PROM1: variants seen among roughly 807,000 people sequenced by gnomAD.
PROM1 encodes the protein prominin 1, also known as prominin-1.
Under a neutral mutation model 116.9 loss-of-function variants are expected in PROM1, and 105 were observed. The observed-to-expected ratio is 0.90, with a 90% CI of 0.77 to 1.06. The LOEUF (loss-of-function observed/expected upper bound fraction) is 1.06, where lower values mean the gene tolerates loss of function less well. Ranked by LOEUF, PROM1 falls within the 50% of genes least tolerant of loss-of-function variation. PROM1 has a pLI of 0.00. For missense variants in PROM1, 1,122 were observed against 1,045.2 expected (o/e 1.07, Z -1.01); for synonymous variants, 393 against 387.0 (o/e 1.02, Z -0.18).
intron 5 of PROM1, 51 bp from the exon 6 acceptor site, chr4:16,025,363 T>C (rs1730987558): frequency 3.7e-6 from 6 of 1,603,688 alleles, no homozygotes; most frequent in Non-Finnish European, 5.1e-6. Flanking sequence ...TGGTCCATGG[T>C]TCTTTGTCCA....
intron 2 of PROM1, among the ~76,000 whole-genome samples, chr4:16,066,913 G>A (rs28550447): frequency 2.6e-5 from 4 of 152,240 alleles, no homozygotes; most frequent in East Asian, 1.9e-4. Flanking sequence ...AGCCCGCCTC[G>A]ATTATTTATG....
In PROM1 at chr4:16,013,164, C is replaced by T. The variant is rs545507589; in HGVS notation, c.1141+111G>A. 8.1e-6 allele frequency: 7 copies of T among 859,092 alleles called. No homozygotes were observed. The Admixed American group carries it at 1.3e-4, about 16-fold the overall frequency. 53.2% of individuals were successfully genotyped at this position (859,092 alleles called of 1,614,324 possible). ...TCTGATATTTGTTTAGTTTTGACAG[C>T]TTTAATGAGAAACTGTTTTTTTAAG... On this transcript the variant is annotated intron_variant, in intron 11 of 27. Coordinates refer to ENST00000447510, the MANE Select transcript of PROM1 (RefSeq NM_006017.3).
chr4:16,046,077 G>A (rs1736483753), intron 2 of PROM1, among the ~76,000 whole-genome samples: 1 of 152,182 alleles, frequency 6.6e-6, no homozygotes, highest in African/African-American at 2.4e-5. Context: ...TAGGGGTCAA[G>A]GCTAAGTTGG....
In PROM1 at chr4:16,025,219, C is replaced by T. The variant is rs776601619; in HGVS notation, c.603G>A (p.Leu201=). The T allele has an allele frequency of 6.2e-7, 1 of 1,613,822 alleles. No individual in the cohort carries two copies. Among genetic ancestry groups the T allele is most frequent in the African/African-American group, 1.3e-5 (1 of 74,936 alleles). ...RKLADSNFKD[L]RTLLNETPEQ... ...CTGGAGTTTCATTCAAGAGAGTTCG[C>T]AAGTCCTTGAAATTGCTATCTGCCA... The change falls in exon 6 of 28, where the codon TTG becomes TTA. Residue 201 remains leucine (L), a synonymous_variant. Coordinates refer to ENST00000447510, the MANE Select transcript of PROM1 (RefSeq NM_006017.3).
At chr4:15,982,642 G>A (rs1402573347) in intron 23 of PROM1, among the ~76,000 whole-genome samples, 1 of 152,144 alleles carries the variant, frequency 6.6e-6, no homozygotes, top group Admixed American at 6.5e-5. Flanking sequence ...CTGTGGAAAG[G>A]CATCTGGTGG....
Position 16,075,773 on chromosome 4 carries a change from T to A in PROM1, c.134A>T (p.Asp45Val). 6.2e-7 allele frequency: 1 copy of A among 1,613,464 alleles called. No individual in the cohort carries two copies. Among genetic ancestry groups the A allele is most frequent in the South Asian group, 1.1e-5 (1 of 90,990 alleles). ...GCCAATGGGTCCAGCTTTATGGGAG[T>A]CTTGGGTCTCATAATTTGTTGCAGG... ...ELPATNYETQ[D>V]SHKAGPIGIL... is the part of the protein sequence containing the mutation. Residue 45 changes from aspartate (D) to valine (V), a missense_variant, in exon 2 of 28, where the codon GAC becomes GTC. By Grantham distance (152) the Asp-to-Val change is radical (BLOSUM62 -3). Transcript: ENST00000447510.
intron 23 of PROM1, among the ~76,000 whole-genome samples, chr4:15,983,949 T>C (rs1718617246): frequency 6.6e-6 from 1 of 152,222 alleles, no homozygotes; most frequent in South Asian, 2.1e-4. Context: ...TAAATGTAGT[T>C]GTACTGAGTA....
intron 2 of PROM1, among the ~76,000 whole-genome samples, chr4:16,047,315 C>T (rs1736777781): frequency 6.6e-6 from 1 of 152,136 alleles, no homozygotes; most frequent in South Asian, 2.1e-4. Flanking sequence ...AGGGATTCTC[C>T]TGCCTCAGCC....
chr4:16,069,135 T>G lies in PROM1; in HGVS notation c.220+6552A>C, dbSNP rs150232977. On this transcript the variant is annotated intron_variant, in intron 2 of 27. Transcript: ENST00000447510. ...CTGTTATCCCAGCTACGCGGGAGGC[T>G]GAGGCAGGAGAATCACTTGAACCCG... Among the ~76,000 whole-genome samples the G allele has an allele frequency of 6.2e-4, 95 of 152,268 alleles. No individual in the cohort carries two copies. The East Asian group carries it at 0.016, about 25-fold the overall frequency.
intron 26 of PROM1, 119 bp downstream of exon 26, chr4:15,979,276 T>TA (rs1717095592): frequency 6.7e-7 from 1 of 1,484,564 alleles, no homozygotes; most frequent in Non-Finnish European, 9.1e-7. Flanking sequence ...CTAGCATTGA[T>TA]AAAGTATCAT....
chr4:16,074,321 G>T (rs1012783319), intron 2 of PROM1, among the ~76,000 whole-genome samples: 7 of 152,052 alleles, frequency 4.6e-5, no homozygotes, highest in Non-Finnish European at 8.8e-5. Flanking sequence ...AATATCTCTT[G>T]TACCCCGTGA....
At chr4:16,057,307 T>C (rs998421668) in intron 2 of PROM1, among the ~76,000 whole-genome samples, 1 of 152,210 alleles carries the variant, frequency 6.6e-6, no homozygotes, top group Non-Finnish European at 1.5e-5. Context: ...TAAAAACGTA[T>C]ACAACCTCCT....
intron 23 of PROM1, 98 bp from the exon 24 acceptor site, chr4:15,980,635 T>C: frequency 1.3e-6 from 1 of 774,266 alleles, no homozygotes; most frequent in Non-Finnish European, 2.0e-6. Context: ...TTTTTTGGAA[T>C]TTTTAAAAAT....
chr4:16,077,501 G>A (rs1042322742), intron 1 of PROM1, among the ~76,000 whole-genome samples: 3 of 152,102 alleles, frequency 2.0e-5, no homozygotes, highest in Admixed American at 1.3e-4. Context: ...TCCTCCGTAC[G>A]CTGAACGCTG....
intron 16 of PROM1, among the ~76,000 whole-genome samples, 170 bp downstream of exon 16, chr4:15,993,817 G>C (rs911037859): frequency 3.9e-5 from 6 of 152,184 alleles, no homozygotes; most frequent in Non-Finnish European, 8.8e-5. Context: ...AAACGTTTTG[G>C]AACCAAATAG....
intron 8 of PROM1, among the ~76,000 whole-genome samples, chr4:16,022,916 A>G (rs1016125225): frequency 6.6e-6 from 1 of 152,138 alleles, no homozygotes; most frequent in Admixed American, 6.5e-5. Context: ...AGGGTCAACA[A>G]ATTTTTCTAT....
At chr4:16,051,464 T>C (rs1348984096) in intron 2 of PROM1, among the ~76,000 whole-genome samples, 1 of 152,230 alleles carries the variant, frequency 6.6e-6, no homozygotes, top group Non-Finnish European at 1.5e-5. Flanking sequence ...CTGTGAACTC[T>C]CTAACCACTC....
In PROM1 at chr4:15,979,485, C is replaced by T. The variant is rs909024565; in HGVS notation, c.2514-22G>A. 3 of 1,589,674 alleles carry T rather than the reference C, an allele frequency of 1.9e-6. No homozygotes were observed. In the African/African-American group the frequency reaches 4.0e-5, roughly 21 times the overall value. On this transcript the variant is annotated intron_variant, in intron 25 of 27. Coordinates refer to ENST00000447510, the MANE Select transcript of PROM1 (RefSeq NM_006017.3). ...CATACTGTAACAGAAATAAATACAC[C>T]AAAAACACCATGTTATCTCTAAGAT...
At chr4:15,971,229 A>C in intron 26 of PROM1, 147 bp from the exon 27 acceptor site, 1 of 606,672 alleles carries the variant, frequency 1.6e-6, no homozygotes, top group Non-Finnish European at 2.8e-6. Context: ...AGAATGTGTC[A>C]GACAAAACAC....
Sources: gnomAD v4.1 joint callset for allele counts (sites outside exome capture counted in the v4.1 genomes callset) on GRCh38, gnomAD v4.1.1 for gene constraint, MANE v1.5 for transcripts, NCBI Gene and HGNC (gene_info 2026-07-23, HGNC 2026-07-21) for gene names.